The following VRK2 variants were observed in gnomAD, a reference collection of about 807,000 sequenced individuals.
VRK2 encodes serine/threonine-protein kinase VRK2.
VRK2 carries 60 observed loss-of-function variants against 57.6 expected under a neutral mutation model. The ratio of observed to expected loss-of-function variants is 1.04; its 90% confidence interval spans 0.85 to 1.29. The LOEUF (loss-of-function observed/expected upper bound fraction) is 1.29. VRK2 is among the 50% of genes most tolerant of loss of function. VRK2 has a pLI of 0.00. For missense variants in VRK2, 705 were observed against 588.1 expected, an observed-to-expected ratio of 1.20 and a Z score of -2.06; for synonymous variants, 231 against 199.2, an observed-to-expected ratio of 1.16 and a Z score of -1.35.
chr2:58,135,421 A>G (rs1679873474), intron 10 of VRK2, among the ~76,000 whole-genome samples: 1 of 150,710 alleles, frequency 6.6e-6, no homozygotes, highest in Non-Finnish European at 1.5e-5. Context: ...GAGGTGGAAA[A>G]TTCTAGGTTC....
chr2:57,937,892 C>G (rs1484526450), intron 1 of VRK2, among the ~76,000 whole-genome samples: 2 of 134,744 alleles, frequency 1.5e-5, no homozygotes, highest in African/African-American at 5.6e-5. Context: ...AGTGCAATGG[C>G]ATGATCTCGG....
intron 2 of VRK2, among the ~76,000 whole-genome samples, chr2:58,053,028 A>G (rs190860234): frequency 1.1e-4 from 16 of 152,344 alleles, no homozygotes; most frequent in African/African-American, 3.4e-4. Flanking sequence ...TGGAGTGTCA[A>G]GCACAGAATA....
At chr2:57,921,186 C>A (rs1216538296) in intron 1 of VRK2, among the ~76,000 whole-genome samples, 1 of 151,972 alleles carries the variant, frequency 6.6e-6, no homozygotes, top group African/African-American at 2.4e-5. Flanking sequence ...TTAGGGATGC[C>A]ACTTGCGAGG....
chr2:58,018,939 G>A (rs775803360), intron 1 of VRK2, among the ~76,000 whole-genome samples: 2 of 152,058 alleles, frequency 1.3e-5, no homozygotes, highest in Non-Finnish European at 2.9e-5. Context: ...TTAGTTATGT[G>A]TCCCCTTCTC....
chr2:58,055,402 A>G (rs1208581501), intron 2 of VRK2, among the ~76,000 whole-genome samples: 1 of 152,180 alleles, frequency 6.6e-6, no homozygotes, highest in African/African-American at 2.4e-5. Flanking sequence ...TTCTACTCCA[A>G]CTTAGAAGTT....
chr2:58,013,764 C>G (rs1673486025), intron 1 of VRK2, among the ~76,000 whole-genome samples: 1 of 144,446 alleles, frequency 6.9e-6, no homozygotes, highest in Admixed American at 7.2e-5. Flanking sequence ...GAGGCTGAGG[C>G]AGGAGAATGG....
At chr2:58,073,200 T>C (rs758291061) in intron 2 of VRK2, among the ~76,000 whole-genome samples, 4 of 152,122 alleles carry the variant, frequency 2.6e-5, no homozygotes, top group Non-Finnish European at 1.5e-5. Flanking sequence ...CTTTTAAATT[T>C]GCTGAGGTAT....
rs548053376 is a variant in VRK2, at chr2:58,110,342, T to A, written c.544-12759T>A. Among the ~76,000 whole-genome samples, 13 of 152,274 alleles carry A rather than the reference T, an allele frequency of 8.5e-5. No individual in the cohort carries two copies. The South Asian group carries it at 2.5e-3, about 29-fold the overall frequency. ...TTTAATAGGGCATAATATATTCCTA[T>A]TTTTTCAATAACATACCATAATGCA... On this transcript the variant is annotated intron_variant, in intron 7 of 12. Transcript: ENST00000340157.
At chr2:58,032,457 G>A (rs1674145505) in intron 2 of VRK2, among the ~76,000 whole-genome samples, 1 of 152,012 alleles carries the variant, frequency 6.6e-6, no homozygotes, top group South Asian at 2.1e-4. Flanking sequence ...AGCCCTCTGT[G>A]TTCCCTTTTG....
intron 7 of VRK2, among the ~76,000 whole-genome samples, chr2:58,096,416 C>G (rs1673134231): frequency 6.6e-6 from 1 of 151,902 alleles, no homozygotes; most frequent in African/African-American, 2.4e-5. Context: ...TTGTGATTCT[C>G]TACTTTTTTC....
intron 8 of VRK2, among the ~76,000 whole-genome samples, chr2:58,124,480 T>C (rs1678005902): frequency 6.6e-6 from 1 of 152,246 alleles, no homozygotes; most frequent in South Asian, 2.1e-4. Flanking sequence ...TTTTCAAATA[T>C]GCTAAACCAA....
chr2:57,909,222 T>C (rs1669914229), intron 1 of VRK2, among the ~76,000 whole-genome samples: 1 of 152,172 alleles, frequency 6.6e-6, no homozygotes, highest in African/African-American at 2.4e-5. Context: ...TGACTTTGTA[T>C]AAAGTAAAAA....
At chr2:57,983,012 C>A (rs1014767096) in intron 1 of VRK2, among the ~76,000 whole-genome samples, 2 of 152,180 alleles carry the variant, frequency 1.3e-5, no homozygotes, top group Non-Finnish European at 2.9e-5. Flanking sequence ...TTCATTCACC[C>A]CTTCCCTAGG....
chr2:58,041,127 G>A, intron 3 of VRK2: 1 of 951,516 alleles, frequency 1.1e-6, no homozygotes, highest in Non-Finnish European at 1.3e-6. Context: ...CTTTTATGGT[G>A]CTCGTATTTG....
At chr2:58,126,769 A>G (rs1239038218) in intron 8 of VRK2, among the ~76,000 whole-genome samples, 1 of 152,092 alleles carries the variant, frequency 6.6e-6, no homozygotes, top group Non-Finnish European at 1.5e-5. Context: ...ATAAAAACTA[A>G]CATGTATAAA....
chr2:57,977,441 G>A (rs1672285513), intron 1 of VRK2, among the ~76,000 whole-genome samples: 1 of 152,012 alleles, frequency 6.6e-6, no homozygotes, highest in Non-Finnish European at 1.5e-5. Context: ...CATATCCCTG[G>A]TTAGCTGTAT....
At chr2:57,959,247 G>C (rs1419526443) in intron 1 of VRK2, among the ~76,000 whole-genome samples, 5 of 152,130 alleles carry the variant, frequency 3.3e-5, no homozygotes, top group Admixed American at 1.3e-4. Flanking sequence ...AGTTTAAAGA[G>C]AGAAGACTGT....
intron 7 of VRK2, among the ~76,000 whole-genome samples, chr2:58,098,764 A>G (rs778940025): frequency 2.7e-4 from 41 of 152,100 alleles, no homozygotes; most frequent in Non-Finnish European, 1.0e-4. Flanking sequence ...GCAATGCATG[A>G]CTATATTAAG....
chr2:58,111,107 A>T (rs1188412349), intron 7 of VRK2, among the ~76,000 whole-genome samples: 1 of 152,258 alleles, frequency 6.6e-6, no homozygotes, highest in African/African-American at 2.4e-5. Context: ...AGCCTGTAAA[A>T]GCGTTAGTTA....
Sources: gnomAD v4.1 joint callset for allele counts (sites outside exome capture counted in the v4.1 genomes callset) on GRCh38, gnomAD v4.1.1 for gene constraint, MANE v1.5 for transcripts, NCBI Gene and HGNC (gene_info 2026-07-23, HGNC 2026-07-21) for gene names.